Variants in PTPRT observed in about 807,000 individuals in gnomAD.
PTPRT encodes protein tyrosine phosphatase receptor type T.
A neutral mutation model predicts 176.8 loss-of-function variants in PTPRT; 56 were observed. The observed-to-expected ratio is 0.32, with a 90% confidence interval of 0.26 to 0.40. The LOEUF is 0.40. Among genes scored for constraint, PTPRT ranks in the 10% least tolerant of loss-of-function variants. The pLI is 1.00. For synonymous variants in PTPRT, 783 were observed against 739.0 expected (o/e 1.06, Z -0.96); for missense variants, 1,540 against 1,908.2 (o/e 0.81, Z 3.60).
chr20:43,108,789 G>A (rs535850619), intron 1 of PTPRT, among the ~76,000 whole-genome samples: 12 of 152,246 alleles, frequency 7.9e-5, no homozygotes, highest in South Asian at 6.2e-4. Flanking sequence ...ACCATTTTAA[G>A]GGTGTTAAAA....
At chr20:42,981,236 T>C (rs1983254434) in intron 1 of PTPRT, among the ~76,000 whole-genome samples, 1 of 152,218 alleles carries the variant, frequency 6.6e-6, no homozygotes, top group Non-Finnish European at 1.5e-5. Flanking sequence ...TCAACTTCCT[T>C]GAACTTCAGG....
In PTPRT at chr20:43,144,776, A is replaced by T. The variant is rs144983621; in HGVS notation, c.88+44870T>A. ...TTGCACAACTCTGAATATACTAAAA[A>T]CCGTTGAATTAAAAAAAAAAGTGAT... is the stretch of plus-strand genomic sequence containing the variant. On this transcript the variant is annotated intron_variant, in intron 1 of 30. Transcript: ENST00000373187. Among the ~76,000 whole-genome samples the T allele has an allele frequency of 3.2e-3, 494 of 152,004 alleles. 5 individuals carry two copies. Among genetic ancestry groups the T allele is most frequent in the African/African-American group, 0.011 (445 of 41,446 alleles).
intron 1 of PTPRT, among the ~76,000 whole-genome samples, chr20:42,913,914 T>C (rs953283568): frequency 3.3e-5 from 5 of 152,200 alleles, no homozygotes; most frequent in Non-Finnish European, 7.3e-5. Flanking sequence ...GAACTCATCA[T>C]ATGGTTTTCT....
At chr20:42,817,849 G>A (rs2077816686) in intron 2 of PTPRT, among the ~76,000 whole-genome samples, 1 of 152,190 alleles carries the variant, frequency 6.6e-6, no homozygotes, top group Non-Finnish European at 1.5e-5. Flanking sequence ...CCAGCTAGAG[G>A]CTCAAGGACA....
chr20:42,090,796 C>G (rs953968302), intron 27 of PTPRT, among the ~76,000 whole-genome samples: 1 of 152,200 alleles, frequency 6.6e-6, no homozygotes, highest in African/African-American at 2.4e-5. Context: ...CGTAGCTGAC[C>G]TAAAGGCCAC....
intron 1 of PTPRT, among the ~76,000 whole-genome samples, chr20:43,002,660 G>C (rs1158247347): frequency 6.6e-6 from 1 of 151,988 alleles, no homozygotes; most frequent in East Asian, 1.9e-4. Flanking sequence ...AGCAATTACA[G>C]ATTTTTAGAG....
chr20:42,370,015 T>C (rs6016765), intron 9 of PTPRT, among the ~76,000 whole-genome samples: 47 of 152,142 alleles, frequency 3.1e-4, no homozygotes, highest in African/African-American at 1.1e-3. Context: ...GCTGCCTTCA[T>C]GTCCCCTCCT....
At chr20:42,510,873 G>A (rs917656715) in intron 7 of PTPRT, among the ~76,000 whole-genome samples, 1 of 152,136 alleles carries the variant, frequency 6.6e-6, no homozygotes, top group Admixed American at 6.6e-5. Context: ...TGTTGCTATG[G>A]TTTGAATGGC....
chr20:42,818,760 G>A (rs546865554), intron 2 of PTPRT, among the ~76,000 whole-genome samples: 24 of 152,232 alleles, frequency 1.6e-4, no homozygotes, highest in African/African-American at 5.3e-4. Context: ...GCATACACAA[G>A]CATCAACAGC....
intron 12 of PTPRT, among the ~76,000 whole-genome samples, chr20:42,297,572 A>T (rs1166789963): frequency 6.6e-6 from 1 of 152,132 alleles, no homozygotes; most frequent in African/African-American, 2.4e-5. Context: ...AGAGCTAGAA[A>T]CTCACTGAAA....
chr20:43,078,094 C>T (rs2011327327), intron 1 of PTPRT, among the ~76,000 whole-genome samples: 1 of 152,234 alleles, frequency 6.6e-6, no homozygotes, highest in South Asian at 2.1e-4. Flanking sequence ...CTCTCTCCAT[C>T]TCGGTTACAA....
At chr20:43,070,525 T>C (rs866844929) in intron 1 of PTPRT, among the ~76,000 whole-genome samples, 2 of 152,150 alleles carry the variant, frequency 1.3e-5, no homozygotes, top group Non-Finnish European at 2.9e-5. Flanking sequence ...CACATGCACA[T>C]GTATGTTTAT....
intron 2 of PTPRT, among the ~76,000 whole-genome samples, chr20:42,865,469 C>T (rs747981922): frequency 1.4e-4 from 22 of 152,182 alleles, no homozygotes; most frequent in Non-Finnish European, 2.9e-4. Flanking sequence ...CATTCTGGTG[C>T]CAGTTTTAGG....
chr20:42,102,535 G>T (rs374492612), intron 25 of PTPRT, among the ~76,000 whole-genome samples: 2 of 152,174 alleles, frequency 1.3e-5, no homozygotes, highest in East Asian at 1.9e-4. Context: ...CAGAAGCAGC[G>T]CATCCACACA....
chr20:42,043,760 TTA>T, the PTPRT span, among the ~76,000 whole-genome samples: 5 of 152,240 alleles, frequency 3.3e-5, no homozygotes, highest in African/African-American at 1.2e-4. Flanking sequence ...CAAGACACTT[TTA>T]TCATCTTACA....
intron 2 of PTPRT, among the ~76,000 whole-genome samples, chr20:42,871,797 G>T (rs2078851158): frequency 6.6e-6 from 1 of 152,156 alleles, no homozygotes; most frequent in Non-Finnish European, 1.5e-5. Context: ...GAGCTTCAAA[G>T]GTTTTATAAA....
chr20:42,888,365 A>C lies in PTPRT; in HGVS notation c.89-2433T>G, dbSNP rs60585772. Reference sequence around the variant, plus strand: ...ACAGTGATCCAAAGAAAGAAAGAAGAAGCATATTCTCCCAAGCATTTGCTC... The same window carrying C: ...ACAGTGATCCAAAGAAAGAAAGAAGCAGCATATTCTCCCAAGCATTTGCTC... On this transcript the variant is annotated intron_variant, in intron 1 of 30. Coordinates refer to ENST00000373187, the MANE Select transcript of PTPRT (RefSeq NM_007050.6). Among the ~76,000 whole-genome samples the C allele has an allele frequency of 8.1e-3, 1,239 of 152,296 alleles. 18 individuals carry two copies. Among genetic ancestry groups the C allele is most frequent in the African/African-American group, 0.028 (1,180 of 41,526 alleles).
At chr20:43,107,035 C>A (rs186000312) in intron 1 of PTPRT, among the ~76,000 whole-genome samples, 119 of 152,236 alleles carry the variant, frequency 7.8e-4, no homozygotes, top group African/African-American at 2.8e-3. Context: ...GGTGATCCGC[C>A]CGCCTCGGCC....
At chr20:42,506,433 A>T (rs2071846371) in intron 7 of PTPRT, among the ~76,000 whole-genome samples, 1 of 152,146 alleles carries the variant, frequency 6.6e-6, no homozygotes, top group South Asian at 2.1e-4. Context: ...TAATTCCTTA[A>T]GGTGATACTG....
Sources: allele counts gnomAD v4.1 joint callset (sites outside exome capture counted in the v4.1 genomes callset), GRCh38; gene constraint gnomAD v4.1.1; transcripts MANE v1.5; gene names NCBI Gene and HGNC (gene_info 2026-07-23, HGNC 2026-07-21).